Variants in EPHB4 observed in about 807,000 individuals in gnomAD.
EPHB4 encodes the protein ephrin type-B receptor 4.
EPHB4 carries 50 observed loss-of-function variants against 110.6 expected under a neutral mutation model. That is an observed-to-expected ratio of 0.45 (90% CI 0.36 to 0.57). The LOEUF is 0.57. EPHB4 is among the 20% of genes least tolerant of loss of function. The probability of loss-of-function intolerance (pLI) is 0.00; values close to 1 mark genes in which losing one functional copy is unlikely to be tolerated. For missense variants in EPHB4, 1,128 were observed against 1,382.1 expected (o/e 0.82, Z 2.91); for synonymous variants, 592 against 578.4 (o/e 1.02, Z -0.34).
intron 7 of EPHB4, among the ~76,000 whole-genome samples, chr7:100,817,586 C>A (rs1813108774): frequency 6.6e-6 from 1 of 152,190 alleles, no homozygotes; most frequent in South Asian, 2.1e-4. Flanking sequence ...GCAAACACGA[C>A]TCACTGCAGC....
chr7:100,825,618 C>T (rs1438894706), intron 1 of EPHB4: 2 of 152,392 alleles, frequency 1.3e-5, no homozygotes, highest in African/African-American at 2.4e-5. Flanking sequence ...CTCCACTTCT[C>T]GCTGTTCCTC....
Position 100,823,783 on chromosome 7 carries a change from C to A in EPHB4, c.272G>T (p.Arg91Leu), listed in dbSNP as rs764620067. 6 of 1,613,378 alleles carry A rather than the reference C, an allele frequency of 3.7e-6. No homozygotes were observed. Among genetic ancestry groups the A allele is most frequent in the Middle Eastern group, 1.6e-4 (1 of 6,084 alleles). Residue 91 changes from arginine (R) to leucine (L), a missense_variant, in exon 3 of 17, where the codon CGC becomes CTC. Coordinates refer to ENST00000358173, the MANE Select transcript of EPHB4 (RefSeq NM_004444.5). ...GGACAGGCACTCGAGCATGGTGAAG[C>A]GCAGCGTGGCGTACACGTGGACGGC... Reference protein sequence around the residue: ...RGAVHVYATLRFTMLECLSLP... With the variant: ...RGAVHVYATLLFTMLECLSLP...
At chr7:100,825,816 T>A (rs1813371988) in intron 1 of EPHB4, among the ~76,000 whole-genome samples, 1 of 152,336 alleles carries the variant, frequency 6.6e-6, no homozygotes, top group African/African-American at 2.4e-5. Context: ...CACCATTTCC[T>A]CTTTGCGTCT....
At position 100,823,961 on chromosome 7, in the gene EPHB4, C is replaced by A; in HGVS notation, c.124-30G>T. On this transcript the variant is annotated intron_variant, in intron 2 of 16. Transcript: ENST00000358173. ...GCAGAGAAGGAGGTCAGCAAGGGGG[C>A]TGGGGAGCCGCCAGGGAGAGGGCTG... 5 of 1,548,220 alleles carry A rather than the reference C, an allele frequency of 3.2e-6. No homozygotes were observed. The East Asian group carries it at 1.2e-4, about 37-fold the overall frequency.
At chr7:100,806,281 C>T (rs1050602516) in intron 14 of EPHB4, 139 bp downstream of exon 14, 1 of 1,108,174 alleles carries the variant, frequency 9.0e-7, no homozygotes, top group Non-Finnish European at 1.2e-6. Context: ...CTCTTTGATA[C>T]AAAGATCAAT....
At chr7:100,814,838 G>C (rs1469121084) in intron 8 of EPHB4, among the ~76,000 whole-genome samples, 1 of 149,604 alleles carries the variant, frequency 6.7e-6, no homozygotes, top group Non-Finnish European at 1.5e-5. Flanking sequence ...AACATAGCAA[G>C]ACCCCGTCTC....
intron 6 of EPHB4, among the ~76,000 whole-genome samples, chr7:100,819,288 T>C (rs1356346730): frequency 1.9e-5 from 2 of 106,294 alleles, no homozygotes; most frequent in African/African-American, 3.0e-5. Flanking sequence ...AATATTTTTA[T>C]TTTTTGTAGA....
rs148107002 is a variant in EPHB4, at chr7:100,819,535, C to T, written c.1297+22G>A. On this transcript the variant is annotated intron_variant, in intron 6 of 16. Transcript: ENST00000358173. Reference sequence around the variant, plus strand: ...ACATCTCTCCCGCCAGACCACCAGCCGCCCCAGCCCCCAAGTCTCACCCTC... The same window carrying T: ...ACATCTCTCCCGCCAGACCACCAGCTGCCCCAGCCCCCAAGTCTCACCCTC... 5.5e-4 allele frequency: 845 copies of T among 1,533,742 alleles called. 2 individuals are homozygous for T. In the African/African-American group the frequency reaches 8.1e-3, roughly 15 times the overall value.
In EPHB4 at chr7:100,813,005, G is replaced by A; in HGVS notation, c.1871-11C>T. ...CCTCGCCAAACTCACCTTCAAACAAGGACGCAGAGGTCATCAGCTCTCCCG... is the reference window on the plus strand; with the variant it reads ...CCTCGCCAAACTCACCTTCAAACAAAGACGCAGAGGTCATCAGCTCTCCCG... On this transcript the variant is annotated splice_polypyrimidine_tract_variant and intron_variant, in intron 11 of 16. Transcript: ENST00000358173. The A allele has an allele frequency of 6.2e-7, 1 of 1,612,534 alleles. No homozygotes were observed. The highest frequency in any genetic ancestry group is 1.1e-5 in the South Asian group (1 of 91,070).
intron 4 of EPHB4, 143 bp from the exon 5 acceptor site, chr7:100,820,439 T>G: frequency 1.2e-6 from 1 of 828,932 alleles, no homozygotes; most frequent in South Asian, 3.5e-5. Context: ...AAGACCAGCC[T>G]GGGCAACATA....
chr7:100,812,755 A>G lies in EPHB4; in HGVS notation c.2110T>C (p.Phe704Leu). 1 of 1,613,260 alleles carries G rather than the reference A, an allele frequency of 6.2e-7. No homozygotes were observed. Among genetic ancestry groups the G allele is most frequent in the Non-Finnish European group, 8.5e-7 (1 of 1,179,938 alleles). Residue 704 changes from phenylalanine (F) to leucine (L), a missense_variant, in exon 12 of 17, where the codon TTC becomes CTC. Phe to Leu is a conservative substitution (Grantham distance 22, BLOSUM62 0). Transcript: ENST00000358173. ...CCAGGGAGGGTGCTCACCCGCAGGA[A>G]GGAGTCCAGGGCGCCGTTCTCCATG... ...EFMENGALDS[F>L]LRLNDGQFTV... is the part of the protein sequence containing the mutation.
intron 14 of EPHB4, 158 bp downstream of exon 14, chr7:100,806,262 G>A: frequency 2.1e-6 from 2 of 933,760 alleles, no homozygotes; most frequent in South Asian, 2.0e-5. Flanking sequence ...GCCTGGCCCT[G>A]TATCTCAACT....
intron 2 of EPHB4, 100 bp from the exon 3 acceptor site, chr7:100,824,031 C>G: frequency 3.3e-6 from 5 of 1,507,550 alleles, no homozygotes; most frequent in Non-Finnish European, 4.5e-6. Flanking sequence ...GAAAGGGGGG[C>G]TGCTGGTACT....
At position 100,820,236 on chromosome 7, in the gene EPHB4, G is replaced by C. The variant is rs775334251; in HGVS notation, c.869C>G (p.Ala290Gly). Reference sequence around the variant, plus strand: ...TCCAATGGTGTTAGAGTGGCTATTGGCTGGGCATGGCTGGCAGGACCCTTC... The same window carrying C: ...TCCAATGGTGTTAGAGTGGCTATTGCCTGGGCATGGCTGGCAGGACCCTTC... ...SGEGSCQPCP[A>G]NSHSNTIGSA... The change falls in exon 5 of 17, where the codon GCC (alanine) becomes GGC (glycine). Residue 290 changes from alanine (A) to glycine (G), a missense_variant. Ala to Gly is a moderately conservative substitution (Grantham distance 60, BLOSUM62 0). Coordinates refer to ENST00000358173, the MANE Select transcript of EPHB4 (RefSeq NM_004444.5). 16 of 1,614,078 alleles carry C rather than the reference G, an allele frequency of 9.9e-6. No individual in the cohort carries two copies. The highest frequency in any genetic ancestry group is 1.4e-5 in the Non-Finnish European group (16 of 1,180,008).
chr7:100,807,259 C>G, intron 13 of EPHB4, 106 bp downstream of exon 13: 1 of 1,177,800 alleles, frequency 8.5e-7, no homozygotes, highest in African/African-American at 1.5e-5. Context: ...GCTCCTGTAT[C>G]CTCTCCCTGG....
chr7:100,821,445 C>A (rs562626882), intron 4 of EPHB4, among the ~76,000 whole-genome samples: 6 of 150,472 alleles, frequency 4.0e-5, no homozygotes, highest in African/African-American at 1.5e-4. Context: ...CTGGCTAACA[C>A]GGTGAAACTC....
intron 15 of EPHB4, 51 bp from the exon 16 acceptor site, chr7:100,805,372 G>C: frequency 6.2e-7 from 1 of 1,608,568 alleles, no homozygotes; most frequent in African/African-American, 1.3e-5. Context: ...CAGGTCCGGG[G>C]GAGGAGGTGG....
intron 13 of EPHB4, among the ~76,000 whole-genome samples, chr7:100,806,967 G>A (rs548551846): frequency 6.4e-4 from 98 of 152,130 alleles, no homozygotes; most frequent in Non-Finnish European, 1.2e-3. Flanking sequence ...ACCACACCTG[G>A]CCACTGTTCT....
intron 1 of EPHB4, among the ~76,000 whole-genome samples, chr7:100,826,062 C>T (rs1489461071): frequency 2.6e-5 from 4 of 152,170 alleles, no homozygotes; most frequent in Admixed American, 2.0e-4. Flanking sequence ...CATAGCCTAC[C>T]GCCCCATAAC....
Sources: gnomAD v4.1 joint callset for allele counts (sites outside exome capture counted in the v4.1 genomes callset) on GRCh38, gnomAD v4.1.1 for gene constraint, MANE v1.5 for transcripts, NCBI Gene and HGNC (gene_info 2026-07-23, HGNC 2026-07-21) for gene names.